Variants in KAZN observed in about 807,000 individuals in gnomAD.
The protein encoded by KAZN is kazrin, periplakin interacting protein, also known as kazrin.
A neutral mutation model predicts 87.4 loss-of-function variants in KAZN; 40 were observed. The observed-to-expected ratio is 0.46, with a 90% CI of 0.36 to 0.60. KAZN has a LOEUF of 0.60. Among genes scored for constraint, KAZN ranks in the 20% least tolerant of loss-of-function variants. The pLI is 0.00. For missense variants in KAZN, 898 were observed against 1,073.9 expected (o/e 0.84, Z 2.29); for synonymous variants, 466 against 458.3 (o/e 1.02, Z -0.22).
At chr1:14,280,071 A>T (rs1419376366) in intron 2 of KAZN, among the ~76,000 whole-genome samples, 5 of 152,048 alleles carry the variant, frequency 3.3e-5, no homozygotes, top group African/African-American at 4.8e-5. Flanking sequence ...CTTAGTTAAG[A>T]TGAGGTTGCG....
rs529443589 is a variant in KAZN, at chr1:14,419,166, T to C, written c.250-179817T>C. 4.6e-5 allele frequency among the ~76,000 whole-genome samples: 7 copies of C among 152,336 alleles called. No individual in the cohort carries two copies. In the South Asian group the frequency reaches 1.4e-3, roughly 32 times the overall value. On this transcript the variant is annotated intron_variant, in intron 2 of 16. Coordinates refer to the KAZN transcript ENST00000636203. ...CTATGCCAGCATAAACCAGGCACTGTAATAAATATACCTTATACATAGTCT... is the reference window on the plus strand; with the variant it reads ...CTATGCCAGCATAAACCAGGCACTGCAATAAATATACCTTATACATAGTCT...
intron 2 of KAZN, among the ~76,000 whole-genome samples, chr1:14,366,270 C>A (rs953442958): frequency 2.0e-5 from 3 of 152,188 alleles, no homozygotes; most frequent in Non-Finnish European, 4.4e-5. Flanking sequence ...TCTGAACGTA[C>A]AAATGAAAAC....
At chr1:14,357,037 A>G (rs892725863) in intron 2 of KAZN, among the ~76,000 whole-genome samples, 2 of 152,124 alleles carry the variant, frequency 1.3e-5, no homozygotes, top group African/African-American at 4.8e-5. Context: ...TTTTCACGAT[A>G]TTGATTCTTC....
Position 13,959,576 on chromosome 1 carries a change from G to A in KAZN, c.91+65820G>A, listed in dbSNP as rs553470912. On this transcript the variant is annotated intron_variant, in intron 1 of 16. Coordinates refer to the KAZN transcript ENST00000636203. Reference sequence around the variant, plus strand: ...TATTGGAACATGGCCCTGCCCTCTCGCACCCTCAGGGCCTTTGCACTTGTT... The same window carrying A: ...TATTGGAACATGGCCCTGCCCTCTCACACCCTCAGGGCCTTTGCACTTGTT... Among the ~76,000 whole-genome samples, 12 of 152,224 alleles carry A rather than the reference G, an allele frequency of 7.9e-5. No individual in the cohort carries two copies. The South Asian group carries it at 1.0e-3, about 13-fold the overall frequency.
intron 1 of KAZN, among the ~76,000 whole-genome samples, chr1:14,075,591 A>T (rs1002848936): frequency 2.0e-5 from 3 of 151,852 alleles, no homozygotes; most frequent in Non-Finnish European, 2.9e-5. Flanking sequence ...GCAGACTTTT[A>T]AAAAAAAGTC....
intron 2 of KAZN, among the ~76,000 whole-genome samples, chr1:14,213,311 C>A (rs1440258846): frequency 6.6e-6 from 1 of 152,152 alleles, no homozygotes; most frequent in African/African-American, 2.4e-5. Context: ...TACTAAGACT[C>A]CCTCTTCCTC....
intron 1 of KAZN, among the ~76,000 whole-genome samples, chr1:14,165,977 G>A (rs1270268883): frequency 2.6e-5 from 4 of 152,114 alleles, no homozygotes; most frequent in Non-Finnish European, 4.4e-5. Flanking sequence ...AGAGCCGGCA[G>A]CAGTACGGAA....
At chr1:13,900,371 A>G (rs564505685) in intron 1 of KAZN, among the ~76,000 whole-genome samples, 122 of 152,216 alleles carry the variant, frequency 8.0e-4, no homozygotes, top group African/African-American at 2.8e-3. Context: ...AAGGTAAAGT[A>G]TCCCCTACCA....
chr1:14,820,666 A>G lies in KAZN; in HGVS notation c.227-140018A>G, dbSNP rs1646713536. ...GGGAGGACAGAACTTCAAAAGGAAG[A>G]TGAAGGCCCCAGCAAGGGAGGTATT... On this transcript the variant is annotated intron_variant, in intron 1 of 14. Transcript: ENST00000376030. This position sits in a 1 kb window ranked among gnomAD's most constrained non-coding sequence, Gnocchi z 4.1. Among the ~76,000 whole-genome samples the G allele has an allele frequency of 6.6e-6, 1 of 152,256 alleles. No individual in the cohort carries two copies. Among genetic ancestry groups the G allele is most frequent in the South Asian group, 2.1e-4 (1 of 4,832 alleles).
intron 1 of KAZN, among the ~76,000 whole-genome samples, chr1:14,722,159 AAAAG>A (rs1643146137): frequency 8.0e-6 from 1 of 124,738 alleles, no homozygotes; most frequent in Admixed American, 7.6e-5. Flanking sequence ...TCAAAAAAAA[AAAAG>A]AATAAAAAAT....
chr1:14,056,953 A>G (rs997786543), intron 1 of KAZN, among the ~76,000 whole-genome samples: 2 of 150,224 alleles, frequency 1.3e-5, no homozygotes, highest in African/African-American at 4.9e-5. Flanking sequence ...CTGAGGTGGG[A>G]GGATCGCTTG....
chr1:14,031,238 A>AGT (rs1641315382), intron 1 of KAZN, among the ~76,000 whole-genome samples: 1 of 152,254 alleles, frequency 6.6e-6, no homozygotes, highest in Non-Finnish European at 1.5e-5. Flanking sequence ...GAATATCAAC[A>AGT]ATTCAGACTT....
intron 1 of KAZN, among the ~76,000 whole-genome samples, chr1:14,015,890 A>G (rs895662938): frequency 2.0e-5 from 3 of 151,900 alleles, no homozygotes; most frequent in African/African-American, 7.2e-5. Flanking sequence ...TGAAAACTCA[A>G]CTTGAGGCTG....
intron 2 of KAZN, among the ~76,000 whole-genome samples, chr1:14,411,792 A>G (rs1664326778): frequency 6.6e-6 from 1 of 152,246 alleles, no homozygotes; most frequent in Admixed American, 6.5e-5. Context: ...AACCATAAAA[A>G]AGGTGAAATG....
chr1:15,028,488 G>GA (rs1392198878), intron 2 of KAZN, among the ~76,000 whole-genome samples: 2 of 152,164 alleles, frequency 1.3e-5, no homozygotes, highest in African/African-American at 4.8e-5. Context: ...TTGAAGGAGA[G>GA]AAAAAAGCAG....
intron 2 of KAZN, among the ~76,000 whole-genome samples, chr1:14,281,205 T>C (rs1375848982): frequency 6.6e-6 from 1 of 152,170 alleles, no homozygotes; most frequent in Non-Finnish European, 1.5e-5. Context: ...GCCACTCTAG[T>C]TGGGTTTCCC....
chr1:14,009,725 C>T (rs1219078256), intron 1 of KAZN, among the ~76,000 whole-genome samples: 1 of 152,210 alleles, frequency 6.6e-6, no homozygotes, highest in East Asian at 1.9e-4. Context: ...TTGGCATTTA[C>T]TATGCATTTA....
At chr1:15,088,392 C>T (rs553940169) in intron 8 of KAZN, among the ~76,000 whole-genome samples, 13 of 151,812 alleles carry the variant, frequency 8.6e-5, no homozygotes, top group Admixed American at 8.5e-4. Flanking sequence ...GGTGTGCATG[C>T]GTGCATATGT....
chr1:14,556,361 G>A (rs779377975), intron 2 of KAZN, among the ~76,000 whole-genome samples: 38 of 151,968 alleles, frequency 2.5e-4, no homozygotes, highest in South Asian at 1.0e-3. Flanking sequence ...CACACGCCTC[G>A]GCCACCCAAA....
Sources: gnomAD v4.1 joint callset for allele counts (sites outside exome capture counted in the v4.1 genomes callset) on GRCh38, gnomAD v4.1.1 for gene constraint, Gnocchi (gnomAD v3.1) non-coding constraint, MANE v1.5 for transcripts, NCBI Gene and HGNC (gene_info 2026-07-23, HGNC 2026-07-21) for gene names.